HCN4: variants seen among roughly 807,000 people sequenced by gnomAD.
The protein encoded by HCN4 is potassium/sodium hyperpolarization-activated cyclic nucleotide-gated channel 4.
HCN4 carries 29 observed loss-of-function variants against 76.9 expected under a neutral mutation model. The observed-to-expected ratio is 0.38, with a 90% CI of 0.28 to 0.51. The LOEUF (loss-of-function observed/expected upper bound fraction) is 0.51. Among genes scored for constraint, HCN4 ranks in the 20% least tolerant of loss-of-function variants. The pLI is 0.90. For synonymous variants in HCN4, 772 were observed against 762.5 expected (o/e 1.01, Z -0.21); for missense variants, 1,416 against 1,715.2 (o/e 0.83, Z 3.08).
chr15:73,324,960 A>G lies in HCN4; in HGVS notation c.1973T>C (p.Phe658Ser). ...KETKLADGSYFGEICLLTRGR... is the reference protein window; with the variant it reads ...KETKLADGSYSGEICLLTRGR... ...AGGGCCCAGGGCTGCCTCACCTCCA[A>G]AGTAGGAGCCGTCGGCCAGCTTGGT... Residue 658 changes from phenylalanine to serine, a missense_variant, in exon 6 of 8, where the codon TTT (phenylalanine) becomes TCT (serine). Phe to Ser is a radical substitution (Grantham distance 155, BLOSUM62 -2). Transcript: ENST00000261917. The G allele has an allele frequency of 6.2e-7, 1 of 1,613,934 alleles. No individual in the cohort carries two copies. The highest frequency in any genetic ancestry group is 8.5e-7 in the Non-Finnish European group (1 of 1,179,974).
chr15:73,338,105 G>T (rs1333677310), intron 2 of HCN4, among the ~76,000 whole-genome samples: 1 of 152,200 alleles, frequency 6.6e-6, no homozygotes, highest in Non-Finnish European at 1.5e-5. Context: ...CACCTCACCT[G>T]CACCACTCTC....
chr15:73,331,345 T>TG (rs1310933160), intron 3 of HCN4, among the ~76,000 whole-genome samples: 1 of 152,174 alleles, frequency 6.6e-6, no homozygotes, highest in Non-Finnish European at 1.5e-5. Context: ...CAGGATATGT[T>TG]GGCGAGTGGG....
At position 73,343,006 on chromosome 15, in the gene HCN4, A is replaced by G. The variant is rs2151221024; in HGVS notation, c.1209+379T>C. 6.6e-6 allele frequency among the ~76,000 whole-genome samples: 1 copy of G among 152,326 alleles called. No individual in the cohort carries two copies. Among genetic ancestry groups the G allele is most frequent in the Admixed American group, 6.5e-5 (1 of 15,294 alleles). ...ACAAGTTTATGGGTTTACAAACCCT[A>G]CAACATAACGCAGTGGTTAATAATG... On this transcript the variant is annotated intron_variant, in intron 2 of 7. Transcript: ENST00000261917. This position sits in a 1 kb window ranked among gnomAD's most constrained non-coding sequence, Gnocchi z 5.7.
At chr15:73,337,306 C>A (rs1025530128) in intron 2 of HCN4, among the ~76,000 whole-genome samples, 24 of 152,340 alleles carry the variant, frequency 1.6e-4, no homozygotes, top group African/African-American at 5.5e-4. Context: ...CTACTTCTCA[C>A]TTCTGTGTTC....
At position 73,367,901 on chromosome 15, in the gene HCN4, C is replaced by T; in HGVS notation, c.370G>A (p.Asp124Asn). The T allele has an allele frequency of 7.2e-7, 1 of 1,386,230 alleles. No homozygotes were observed. The allele number at this position is 1,386,230 out of a possible 1,614,324, so 85.9% of individuals were successfully genotyped here. ...ATGAGCCGCCGCTCCTCCGCGGAGT[C>T]ATGCAGGTGTCCGTGACTGCTGCCG... ...GSGSSHGHLH[D>N]SAEERRLIAE... Residue 124 changes from aspartate to asparagine, a missense_variant, in exon 1 of 8, where the codon GAC (aspartate) becomes AAC (asparagine). This residue lies in a region of HCN4 where 355 missense variants were observed against 347.8 expected (regional missense o/e 1.02). Coordinates refer to ENST00000261917, the MANE Select transcript of HCN4 (RefSeq NM_005477.3). This position sits in a 1 kb window ranked among gnomAD's most constrained non-coding sequence, Gnocchi z 7.5.
rs1060500102 is a variant in HCN4, at chr15:73,324,204, G to T, written c.2028C>A (p.Asp676Glu). 2 of 1,613,990 alleles carry T rather than the reference G, an allele frequency of 1.2e-6. No homozygotes were observed. The highest frequency in any genetic ancestry group is 3.3e-5 in the Admixed American group (2 of 60,010). The change falls in exon 7 of 8, where the codon GAC becomes GAA. Residue 676 changes from aspartate to glutamate, a missense_variant. Physicochemically the swap from Asp to Glu is conservative, Grantham distance 45. Transcript: ENST00000261917. ...RGRRTASVRA[D>E]TYCRLYSLSV... ...TCAGCGAGTAGAGGCGGCAGTAGGT[G>T]TCGGCCCTCACGCTGGCTGTGCGCC... is the stretch of plus-strand genomic sequence containing the variant.
At position 73,367,215 on chromosome 15, in the gene HCN4, C is replaced by T. The variant is rs1241050081; in HGVS notation, c.785+271G>A. Among the ~76,000 whole-genome samples the T allele has an allele frequency of 6.6e-6, 1 of 152,170 alleles. No homozygotes were observed. Among genetic ancestry groups the T allele is most frequent in the East Asian group, 1.9e-4 (1 of 5,182 alleles). ...GGTGGCAGAGCCCTATCCTGGCTGC[C>T]GGCAGGGGTAGGCCAGGCTCAGAAC... is the stretch of plus-strand genomic sequence containing the variant. On this transcript the variant is annotated intron_variant, in intron 1 of 7. Transcript: ENST00000261917. This position sits in a 1 kb window ranked among gnomAD's most constrained non-coding sequence, Gnocchi z 7.5.
intron 6 of HCN4, 43 bp from the exon 7 acceptor site, chr15:73,324,296 C>T: frequency 6.2e-7 from 1 of 1,602,944 alleles, no homozygotes; most frequent in Non-Finnish European, 8.5e-7. Flanking sequence ...GCACAGCCTG[C>T]CCAGGCCAGG....
At chr15:73,342,979 CA>C (rs2043013371) in intron 2 of HCN4, among the ~76,000 whole-genome samples, 1 of 152,154 alleles carries the variant, frequency 6.6e-6, no homozygotes, top group Admixed American at 6.5e-5. Context: ...TGCCTGTCCC[CA>C]ACAAGTTTAT....
chr15:73,343,341 T>G lies in HCN4; in HGVS notation c.1209+44A>C. The G allele has an allele frequency of 6.4e-7, 1 of 1,572,160 alleles. No individual in the cohort carries two copies. Among genetic ancestry groups the G allele is most frequent in the Non-Finnish European group, 8.7e-7 (1 of 1,143,894 alleles). Reference sequence around the variant, plus strand: ...CCCTGCCAGTTCCTCACTCCCTCTGTGGGGAGTGGCCTTTCCCCCAAGAGG... The same window carrying G: ...CCCTGCCAGTTCCTCACTCCCTCTGGGGGGAGTGGCCTTTCCCCCAAGAGG... On this transcript the variant is annotated intron_variant, in intron 2 of 7. Transcript: ENST00000261917. The surrounding 1 kb of genome is among the most constrained non-coding windows in gnomAD (Gnocchi z 5.7).
chr15:73,367,992 G>A lies in HCN4; in HGVS notation c.279C>T (p.Cys93=). 1 of 1,364,058 alleles carries A rather than the reference G, an allele frequency of 7.3e-7. No homozygotes were observed. The highest frequency in any genetic ancestry group is 1.8e-5 in the South Asian group (1 of 55,948). The allele number at this position is 1,364,058 out of a possible 1,614,324, so 84.5% of individuals were successfully genotyped here. A position where few individuals can be genotyped will look rare whatever the true frequency, so the allele number is the denominator to read the frequency against. The change falls in exon 1 of 8, where the codon TGC becomes TGT. Residue 93 remains cysteine, a synonymous_variant. Transcript: ENST00000261917. This position sits in a 1 kb window ranked among gnomAD's most constrained non-coding sequence, Gnocchi z 7.5. ...AGGCCAGGCTCCCGCGGAAGCGCCT[G>A]CAGTCGCCGTTCGTGCTGGACTTGC... ...GAGKSSTNGD[C]RRFRGSLASL...
Position 73,367,884 on chromosome 15 carries a change from CCG to C in HCN4, c.385_386del (p.Arg129AlafsTer131). On this transcript the variant is annotated frameshift_variant, in exon 1 of 8. Coordinates refer to ENST00000261917, the MANE Select transcript of HCN4 (RefSeq NM_005477.3). LOFTEE classifies it high-confidence loss of function. This position sits in a 1 kb window ranked among gnomAD's most constrained non-coding sequence, Gnocchi z 7.5. ...ACGCGTCGCCCTCGGCGATGAGCCG[CCG>C]CTCCTCCGCGGAGTCATGCAGGTGT... is the stretch of plus-strand genomic sequence containing the variant. ...HGHLHDSAEE[R>X]RLIAEGDASP... 1 of 1,362,752 alleles carries C rather than the reference CCG, an allele frequency of 7.3e-7. No homozygotes were observed. The highest frequency in any genetic ancestry group is 9.5e-7 in the Non-Finnish European group (1 of 1,055,486). 84.4% of individuals were successfully genotyped at this position (1,362,752 alleles called of 1,614,324 possible).
chr15:73,365,768 C>A (rs185375117), intron 1 of HCN4, among the ~76,000 whole-genome samples: 83 of 152,316 alleles, frequency 5.4e-4, no homozygotes, highest in Admixed American at 2.2e-3. Context: ...GATGAGAACC[C>A]TGAACAGATG....
At chr15:73,359,702 A>G (rs533037707) in intron 1 of HCN4, among the ~76,000 whole-genome samples, 1 of 152,260 alleles carries the variant, frequency 6.6e-6, no homozygotes, top group Non-Finnish European at 1.5e-5. Flanking sequence ...AGCCCCGACC[A>G]TTGTCAGAAG....
chr15:73,327,549 G>A (rs1003528404), intron 4 of HCN4, among the ~76,000 whole-genome samples: 22 of 151,492 alleles, frequency 1.5e-4, no homozygotes, highest in African/African-American at 5.3e-4. Context: ...GGCTCCAGAA[G>A]GATCCCTCAC....
chr15:73,355,024 G>C (rs1348964630), intron 1 of HCN4, among the ~76,000 whole-genome samples: 1 of 152,216 alleles, frequency 6.6e-6, no homozygotes, highest in African/African-American at 2.4e-5. Context: ...CCTCAGGCTG[G>C]GGATGGCCAG....
chr15:73,349,581 C>T (rs1023640085), intron 1 of HCN4, among the ~76,000 whole-genome samples: 1 of 152,124 alleles, frequency 6.6e-6, no homozygotes, highest in African/African-American at 2.4e-5. Context: ...GTCTCCCTCC[C>T]AGCTCTCTCT....
intron 1 of HCN4, among the ~76,000 whole-genome samples, chr15:73,358,046 G>A (rs1595834118): frequency 6.6e-6 from 1 of 152,120 alleles, no homozygotes; most frequent in African/African-American, 2.4e-5. Flanking sequence ...ACTGAGGCCC[G>A]ACCCTGGACA....
At chr15:73,335,972 G>C (rs567417661) in intron 2 of HCN4, among the ~76,000 whole-genome samples, 19 of 152,192 alleles carry the variant, frequency 1.2e-4, no homozygotes, top group Non-Finnish European at 2.8e-4. Context: ...GGTCAGGGAG[G>C]AAAGTCTTGC....
Sources: gnomAD v4.1 joint callset for allele counts (sites outside exome capture counted in the v4.1 genomes callset) on GRCh38, gnomAD v4.1.1 for gene constraint, gnomAD v4.1.1 regional missense constraint, Gnocchi (gnomAD v3.1) non-coding constraint, MANE v1.5 for transcripts, NCBI Gene and HGNC (gene_info 2026-07-23, HGNC 2026-07-21) for gene names.